The following DROSHA variants were observed in gnomAD, a reference collection of about 807,000 sequenced individuals.
The protein encoded by DROSHA is drosha ribonuclease III, also known as ribonuclease 3.
A neutral mutation model predicts 181.9 loss-of-function variants in DROSHA; 56 were observed. The ratio of observed to expected loss-of-function variants is 0.31; its 90% confidence interval spans 0.25 to 0.38. DROSHA has a LOEUF of 0.38. Among genes scored for constraint, DROSHA ranks in the 10% least tolerant of loss-of-function variants. DROSHA has a pLI of 1.00. For synonymous variants in DROSHA, 524 were observed against 591.2 expected, an observed-to-expected ratio of 0.89 and a Z score of 1.65; for missense variants, 1,218 against 1,743.5, an observed-to-expected ratio of 0.70 and a Z score of 5.37.
At chr5:31,422,610 T>C (rs1160245529) in intron 29 of DROSHA, among the ~76,000 whole-genome samples, 177 bp downstream of exon 29, 8 of 152,188 alleles carry the variant, frequency 5.3e-5, no homozygotes, top group South Asian at 2.1e-4. Context: ...ACCAACAACA[T>C]TGGATTGGAG....
At chr5:31,478,218 A>G (rs1391928670) in intron 16 of DROSHA, among the ~76,000 whole-genome samples, 1 of 152,244 alleles carries the variant, frequency 6.6e-6, no homozygotes, top group Non-Finnish European at 1.5e-5. Context: ...GGAATGTCCA[A>G]TCTTTCAGCT....
Position 31,401,463 on chromosome 5 carries a change from T to G in DROSHA, c.4094A>C (p.Glu1365Ala), listed in dbSNP as rs770922289. The G allele has an allele frequency of 1.2e-6, 2 of 1,613,046 alleles. No individual in the cohort carries two copies. The highest frequency in any genetic ancestry group is 1.7e-6 in the Non-Finnish European group (2 of 1,179,380). The stretch of plus-strand genomic sequence containing the variant: ...CTTGATGTCTTCAGTCTCATCTGGC[T>G]CTCTCTCTTGATGCTCTCTTTCCCA... Reference protein sequence around the residue: ...MRWEREHQEREPDETEDIKK With the variant: ...MRWEREHQERAPDETEDIKK Residue 1365 changes from glutamate to alanine, a missense_variant, in exon 36 of 36, where the codon GAG becomes GCG. Transcript: ENST00000344624.
intron 11 of DROSHA, among the ~76,000 whole-genome samples, chr5:31,503,418 G>T (rs945410918): frequency 2.0e-5 from 3 of 152,178 alleles, no homozygotes; most frequent in Non-Finnish European, 4.4e-5. Context: ...TGGCACCACT[G>T]CCCATCTAGT....
At chr5:31,477,499 A>G (rs1479889186) in intron 16 of DROSHA, among the ~76,000 whole-genome samples, 3 of 152,242 alleles carry the variant, frequency 2.0e-5, no homozygotes, top group African/African-American at 7.2e-5. Flanking sequence ...TGGTACTAAT[A>G]GATGGTTTTG....
At chr5:31,490,169 C>A (rs1199371009) in intron 13 of DROSHA, among the ~76,000 whole-genome samples, 1 of 150,628 alleles carries the variant, frequency 6.6e-6, no homozygotes, top group Non-Finnish European at 1.5e-5. Context: ...AGTCACTGCA[C>A]CTGGCCCTTT....
At chr5:31,421,462 A>T (rs1742647183) in intron 29 of DROSHA, 85 bp from the exon 30 acceptor site, 3 of 1,073,344 alleles carry the variant, frequency 2.8e-6, no homozygotes, top group Middle Eastern at 2.1e-4. Context: ...AAAAGGAATG[A>T]CTTAAAAAGA....
Position 31,515,562 on chromosome 5 carries a change from C to T in DROSHA, c.950G>A (p.Ser317Asn). The T allele has an allele frequency of 6.4e-7, 1 of 1,551,276 alleles. No homozygotes were observed. The highest frequency in any genetic ancestry group is 2.4e-5 in the East Asian group (1 of 40,908). ...TTCAGGAACAACCGATAAACCGTAA[C>T]TCCTAAAAGAAAAAGATATTTGCAA... The part of the protein sequence containing the change: ...YKKEYKRSGR[S>N]YGLSVVPEPA... Residue 317 changes from serine (S) to asparagine (N), a missense_variant and splice_region_variant, in exon 7 of 36, where the codon AGT (serine) becomes AAT (asparagine). By Grantham distance (46) the Ser-to-Asn change is conservative. This residue lies in a region of DROSHA where 536 missense variants were observed against 535.4 expected (regional missense o/e 1.00). Coordinates refer to ENST00000344624, the MANE Select transcript of DROSHA (RefSeq NM_001382508.1).
intron 20 of DROSHA, among the ~76,000 whole-genome samples, chr5:31,457,098 C>T (rs1185074655): frequency 7.1e-6 from 1 of 140,846 alleles, no homozygotes; most frequent in East Asian, 2.0e-4. Flanking sequence ...TATATATTTG[C>T]TTTCATAAAA....
chr5:31,529,107 T>G lies in DROSHA; in HGVS notation c.-46-2A>C. The G allele has an allele frequency of 6.2e-7, 1 of 1,604,110 alleles. No individual in the cohort carries two copies. The highest frequency in any genetic ancestry group is 1.1e-5 in the South Asian group (1 of 88,624). On this transcript the variant is annotated splice_acceptor_variant, in intron 3 of 35. Coordinates refer to ENST00000344624, the MANE Select transcript of DROSHA (RefSeq NM_001382508.1). LOFTEE classifies it low-confidence loss of function (5UTR_SPLICE). ...CATCTTCCACAGAGAATATAAGCTC[T>G]AAAAAACAGAAAGAATAAAACAGAC...
At chr5:31,494,351 T>A (rs1752728843) in intron 12 of DROSHA, among the ~76,000 whole-genome samples, 1 of 152,220 alleles carries the variant, frequency 6.6e-6, no homozygotes, top group South Asian at 2.1e-4. Context: ...GATATTAGAT[T>A]TCATTCGTTT....
At chr5:31,413,005 G>C (rs1279475238) in intron 30 of DROSHA, among the ~76,000 whole-genome samples, 1 of 152,142 alleles carries the variant, frequency 6.6e-6, no homozygotes, top group African/African-American at 2.4e-5. Flanking sequence ...TTTAAGCCGT[G>C]TATATGGAAT....
rs773558274 is a variant in DROSHA, at chr5:31,526,096, G to A, written c.837C>T (p.Arg279=). The part of the protein sequence containing the change: ...YDRGRTPSRH[R]SYERSRERER... Reference sequence around the variant, plus strand: ...CGGTTTACCTGCTCCGTTCGTAGCTGCGGTGGCGAGATGGTGTTCTCCCTC... The same window carrying A: ...CGGTTTACCTGCTCCGTTCGTAGCTACGGTGGCGAGATGGTGTTCTCCCTC... Residue 279 remains arginine (R), a synonymous_variant, in exon 5 of 36, where the codon CGC becomes CGT. Transcript: ENST00000344624. The A allele has an allele frequency of 1.3e-6, 2 of 1,595,314 alleles. No individual in the cohort carries two copies. The highest frequency in any genetic ancestry group is 1.7e-6 in the Non-Finnish European group (2 of 1,165,546).
At chr5:31,491,866 C>T (rs985551376) in intron 13 of DROSHA, among the ~76,000 whole-genome samples, 2 of 152,168 alleles carry the variant, frequency 1.3e-5, no homozygotes, top group African/African-American at 4.8e-5. Flanking sequence ...ATGATCTCGG[C>T]TCACTGAAAC....
intron 23 of DROSHA, among the ~76,000 whole-genome samples, chr5:31,442,078 T>C (rs894718180): frequency 3.3e-5 from 5 of 152,226 alleles, no homozygotes; most frequent in African/African-American, 1.2e-4. Context: ...TTATAAACTT[T>C]CATGGAGACA....
intron 25 of DROSHA, among the ~76,000 whole-genome samples, chr5:31,432,475 A>ACT (rs2150002831): frequency 6.6e-6 from 1 of 152,172 alleles, no homozygotes; most frequent in East Asian, 1.9e-4. Flanking sequence ...GACCCTCAGA[A>ACT]GACTTCAAAA....
chr5:31,515,769 C>A lies in DROSHA; in HGVS notation c.948-205G>T, dbSNP rs1739210886. 3.3e-5 allele frequency among the ~76,000 whole-genome samples: 5 copies of A among 152,314 alleles called. No individual in the cohort carries two copies. The South Asian group carries it at 1.0e-3, about 32-fold the overall frequency. On this transcript the variant is annotated intron_variant, in intron 6 of 35. Transcript: ENST00000344624. ...TCCGAGAGTGAACCACTTATGTCAT[C>A]CCTAACTGTCTCTGGAACCCCAGTC...
chr5:31,460,056 T>A (rs1386648335), intron 20 of DROSHA, among the ~76,000 whole-genome samples: 1 of 152,196 alleles, frequency 6.6e-6, no homozygotes, highest in Non-Finnish European at 1.5e-5. Flanking sequence ...AGGGTCCAGG[T>A]GCCTCCCTCT....
intron 9 of DROSHA, among the ~76,000 whole-genome samples, chr5:31,510,700 C>T (rs946007585): frequency 1.3e-5 from 2 of 152,142 alleles, no homozygotes; most frequent in East Asian, 1.9e-4. Context: ...AAGGAGAGGG[C>T]CAAGGAAGGA....
At chr5:31,484,649 T>G (rs1227174320) in intron 15 of DROSHA, among the ~76,000 whole-genome samples, 1 of 152,192 alleles carries the variant, frequency 6.6e-6, no homozygotes, top group Non-Finnish European at 1.5e-5. Context: ...TGGTACCATC[T>G]TCAAGCCGCT....
Sources: gnomAD v4.1 joint callset for allele counts (sites outside exome capture counted in the v4.1 genomes callset) on GRCh38, gnomAD v4.1.1 for gene constraint, gnomAD v4.1.1 regional missense constraint, MANE v1.5 for transcripts, NCBI Gene and HGNC (gene_info 2026-07-23, HGNC 2026-07-21) for gene names.